KDM6A: variants seen among roughly 807,000 people sequenced by gnomAD.
KDM6A encodes the protein lysine-specific demethylase 6A.
Under a neutral mutation model 117.6 loss-of-function variants are expected in KDM6A, and 11 were observed. That is an observed-to-expected ratio of 0.09 (90% confidence interval 0.06 to 0.15). The LOEUF is 0.15. KDM6A is among the 10% of genes least tolerant of loss of function. The pLI is 1.00. For synonymous variants in KDM6A, 384 were observed against 396.1 expected (o/e 0.97, Z 0.36); for missense variants, 799 against 1,077.3 (o/e 0.74, Z 3.62).
At chrX:45,035,116 C>T (rs999066748) in intron 7 of KDM6A, 131 bp downstream of exon 7, 20 of 555,657 alleles carry the variant, frequency 3.6e-5, no homozygotes, top group Non-Finnish European at 5.5e-5. Flanking sequence ...TATTGGTTGC[C>T]ATGGCTACTT....
intron 8 of KDM6A, among the ~76,000 whole-genome samples, chrX:45,042,277 GGGGAGA>G (rs2043292200): frequency 3.3e-5 from 1 of 29,966 alleles, no homozygotes; most frequent in Non-Finnish European, 5.0e-5. Context: ...AGAGGGGAGA[GGGGAGA>G]GGGGAGAGGG....
chrX:44,993,223 G>A (rs1299437679), intron 4 of KDM6A, among the ~76,000 whole-genome samples: 1 of 111,375 alleles, frequency 9.0e-6, no homozygotes, highest in South Asian at 3.8e-4. Flanking sequence ...AAACATGGAC[G>A]AGAGTATGGT....
chrX:45,035,089 A>G (rs1040747366), intron 7 of KDM6A, 104 bp downstream of exon 7: 2 of 705,289 alleles, frequency 2.8e-6, no homozygotes, highest in South Asian at 2.2e-5. Context: ...TTCTTTTAGA[A>G]TTGTTTAATG....
At chrX:44,921,600 T>G (rs991031696) in intron 2 of KDM6A, among the ~76,000 whole-genome samples, 1 of 111,670 alleles carries the variant, frequency 9.0e-6, no homozygotes, top group African/African-American at 3.3e-5. Context: ...GATGGTGGCA[T>G]AGTCTCCTTG....
At chrX:44,994,833 AAG>A (rs1201935991) in intron 4 of KDM6A, among the ~76,000 whole-genome samples, 2 of 111,025 alleles carry the variant, frequency 1.8e-5, no homozygotes, top group Non-Finnish European at 3.8e-5. Context: ...GGCTAATTTA[AAG>A]AGAGTGACGG....
chrX:45,046,484 A>C (rs187921575), intron 8 of KDM6A, among the ~76,000 whole-genome samples: 2 of 111,814 alleles, frequency 1.8e-5, no homozygotes, highest in East Asian at 5.6e-4. Context: ...TACAGGCACA[A>C]ATTAACATAC....
At chrX:45,103,419 A>T (rs1356447092) in intron 27 of KDM6A, among the ~76,000 whole-genome samples, 1 of 110,881 alleles carries the variant, frequency 9.0e-6, no homozygotes, top group East Asian at 2.8e-4. Context: ...TTGAAAACTT[A>T]TGTGATTCTC....
chrX:44,984,134 T>A (rs1208666804), intron 4 of KDM6A, among the ~76,000 whole-genome samples: 35 of 110,012 alleles, frequency 3.2e-4, no homozygotes, highest in African/African-American at 1.2e-3. Flanking sequence ...CTCATTGTGG[T>A]TTTGATTTGC....
At chrX:45,059,605 C>A in intron 12 of KDM6A, 139 bp downstream of exon 12, 1 of 489,558 alleles carries the variant, frequency 2.0e-6, no homozygotes, top group Non-Finnish European at 3.5e-6. Context: ...CATACCATAG[C>A]TTGTAATATT....
chrX:45,093,381 A>AC (rs1556360340), intron 27 of KDM6A, among the ~76,000 whole-genome samples: 1 of 107,111 alleles, frequency 9.3e-6, no homozygotes, highest in African/African-American at 3.5e-5. Context: ...TCTCAAAAAA[A>AC]AAACAAACAA....
At chrX:45,080,847 A>T (rs1342843038) in intron 21 of KDM6A, among the ~76,000 whole-genome samples, 4 of 112,426 alleles carry the variant, frequency 3.6e-5, no homozygotes, top group Non-Finnish European at 7.5e-5. Context: ...TCAAAGAAAA[A>T]TTTGGAGGAA....
intron 2 of KDM6A, among the ~76,000 whole-genome samples, chrX:44,920,666 G>A (rs2035868795): frequency 9.2e-6 from 1 of 108,646 alleles, no homozygotes; most frequent in African/African-American, 3.3e-5. Context: ...TTGATCTCCT[G>A]ACCTTGTGAT....
chrX:45,042,763 A>AGGAAGAAGTTTCCCCACTTCTCTACATG (rs1300145217), intron 8 of KDM6A, among the ~76,000 whole-genome samples: 1,919 of 105,219 alleles, frequency 0.018, 21 homozygotes, highest in African/African-American at 0.058. Flanking sequence ...TTCTCTACAT[A>AGGAAGAAGTTTCCCCACTTCTCTACATG]GGAAGAAGTT....
chrX:45,068,124 G>A (rs1192236780), intron 17 of KDM6A, among the ~76,000 whole-genome samples: 1 of 111,539 alleles, frequency 9.0e-6, no homozygotes, highest in African/African-American at 3.3e-5. Context: ...ATCAGCTATA[G>A]TTTTATTCTT....
intron 3 of KDM6A, among the ~76,000 whole-genome samples, chrX:44,966,867 CTCT>C (rs2039040485): frequency 2.2e-5 from 2 of 91,950 alleles, no homozygotes; most frequent in African/African-American, 1.1e-4. Flanking sequence ...CTCTCTCTCT[CTCT>C]TTTTTTTTTT....
chrX:44,913,774 A>G (rs1262666560), intron 2 of KDM6A, among the ~76,000 whole-genome samples: 1 of 110,970 alleles, frequency 9.0e-6, no homozygotes, highest in African/African-American at 3.3e-5. Flanking sequence ...ACGCACACAC[A>G]CATATATTCC....
chrX:44,894,612 A>G (rs1453446819), intron 2 of KDM6A, among the ~76,000 whole-genome samples: 1 of 97,928 alleles, frequency 1.0e-5, no homozygotes, highest in Non-Finnish European at 2.0e-5. Context: ...TTAATTAATT[A>G]ATTAATTAAT....
intron 8 of KDM6A, among the ~76,000 whole-genome samples, chrX:45,041,363 C>T (rs1456643031): frequency 2.0e-5 from 2 of 97,653 alleles, no homozygotes; most frequent in Non-Finnish European, 4.2e-5. Context: ...TCCTCACTTC[C>T]CAGTAGGGGC....
chrX:45,103,019 A>C (rs1006417540), intron 27 of KDM6A, among the ~76,000 whole-genome samples: 3 of 110,864 alleles, frequency 2.7e-5, no homozygotes, highest in African/African-American at 9.9e-5. Flanking sequence ...GGTGTTCGTT[A>C]AGTTATCTAC....
Sources: allele counts gnomAD v4.1 joint callset (sites outside exome capture counted in the v4.1 genomes callset), GRCh38; gene constraint gnomAD v4.1.1; transcripts MANE v1.5; gene names NCBI Gene and HGNC (gene_info 2026-07-23, HGNC 2026-07-21).